Variants in BPTF observed in about 807,000 individuals in gnomAD.
The protein encoded by BPTF is bromodomain PHD finger transcription factor.
Under a neutral mutation model 292.5 loss-of-function variants are expected in BPTF, and 18 were observed. The ratio of observed to expected loss-of-function variants is 0.06; its 90% confidence interval spans 0.04 to 0.09. BPTF has a LOEUF of 0.09. Ranked by LOEUF, BPTF falls within the 10% of genes least tolerant of loss-of-function variation. The probability of loss-of-function intolerance (pLI) is 1.00; values close to 1 mark genes in which losing one functional copy is unlikely to be tolerated. For missense variants in BPTF, 2,726 were observed against 3,498.7 expected, an observed-to-expected ratio of 0.78 and a Z score of 5.57; for synonymous variants, 1,225 against 1,251.9, an observed-to-expected ratio of 0.98 and a Z score of 0.45.
At chr17:67,942,435 A>G (rs956453195) in intron 19 of BPTF, among the ~76,000 whole-genome samples, 7 of 152,222 alleles carry the variant, frequency 4.6e-5, no homozygotes, top group East Asian at 1.9e-4. Context: ...TTAAAACCAT[A>G]TGCTTAAGAG....
chr17:67,955,347 G>C (rs1399205802), intron 23 of BPTF: 2 of 150,726 alleles, frequency 1.3e-5, no homozygotes, highest in East Asian at 3.9e-4. Flanking sequence ...TAGTGTAGTT[G>C]GTGCATAGGG....
intron 1 of BPTF, among the ~76,000 whole-genome samples, chr17:67,840,143 C>T (rs1048662535): frequency 6.7e-6 from 1 of 149,086 alleles, no homozygotes; most frequent in South Asian, 2.1e-4. Context: ...TTGCTTGTTG[C>T]CCAGGCTGGA....
At chr17:67,909,189 T>G (rs983574710) in intron 9 of BPTF, among the ~76,000 whole-genome samples, 8 of 136,494 alleles carry the variant, frequency 5.9e-5, no homozygotes, top group Non-Finnish European at 9.1e-5. Context: ...CAGTTTTTTG[T>G]TTTTTTTTTA....
intron 4 of BPTF, among the ~76,000 whole-genome samples, chr17:67,884,781 C>G (rs994450136): frequency 1.3e-5 from 2 of 151,816 alleles, no homozygotes; most frequent in Non-Finnish European, 2.9e-5. Flanking sequence ...ATAGCTAGCT[C>G]TATAGATAAG....
At chr17:67,832,311 G>A (rs1051233318) in intron 1 of BPTF, among the ~76,000 whole-genome samples, 5 of 150,592 alleles carry the variant, frequency 3.3e-5, no homozygotes, top group African/African-American at 9.7e-5. Flanking sequence ...GAAGGTGACC[G>A]TATAGAAATA....
rs558706555 is a variant in BPTF, at chr17:67,852,768, A to G, written c.614-1172A>G. On this transcript the variant is annotated intron_variant, in intron 1 of 27. Coordinates refer to ENST00000306378, the MANE Select transcript of BPTF (RefSeq NM_182641.4). ...TCCAGGAGGTGGAATTACAGGGTCA[A>G]AGGGACATACATTCAGATAGATGTT... 2.0e-5 allele frequency among the ~76,000 whole-genome samples: 3 copies of G among 152,376 alleles called. No individual in the cohort carries two copies. In the South Asian group the frequency reaches 6.2e-4, roughly 32 times the overall value.
At chr17:67,937,573 A>G (rs1033260076) in intron 18 of BPTF, among the ~76,000 whole-genome samples, 4 of 152,166 alleles carry the variant, frequency 2.6e-5, no homozygotes, top group African/African-American at 9.7e-5. Flanking sequence ...CTGTGCAGAT[A>G]TCTGAGGAAA....
At chr17:67,926,232 C>T (rs965330547) in intron 15 of BPTF, among the ~76,000 whole-genome samples, 30 of 150,910 alleles carry the variant, frequency 2.0e-4, no homozygotes, top group African/African-American at 7.3e-4. Context: ...TAGTCTTGAA[C>T]TCCTGAGCTC....
intron 15 of BPTF, 117 bp from the exon 16 acceptor site, chr17:67,928,238 C>G (rs2064082283): frequency 8.8e-7 from 1 of 1,131,232 alleles, no homozygotes; most frequent in Non-Finnish European, 1.2e-6. Context: ...TAAAATACTT[C>G]AGAAATGTAG....
At chr17:67,931,323 A>G (rs927228542) in intron 17 of BPTF, among the ~76,000 whole-genome samples, 2 of 152,144 alleles carry the variant, frequency 1.3e-5, no homozygotes, top group African/African-American at 4.8e-5. Context: ...TGAATGAATG[A>G]TTAGCCGGAC....
At chr17:67,981,865 A>AC (rs1555696765) in intron 27 of BPTF, 11,732 of 146,126 alleles carry the variant, frequency 0.08, 802 homozygotes, top group African/African-American at 0.22. Flanking sequence ...CAATGTAAAT[A>AC]AACACACACA....
chr17:67,831,306 G>A (rs2056653283), intron 1 of BPTF, among the ~76,000 whole-genome samples: 1 of 152,134 alleles, frequency 6.6e-6, no homozygotes, highest in Non-Finnish European at 1.5e-5. Flanking sequence ...GGGAGGTCAA[G>A]ATTATAAGGG....
intron 4 of BPTF, among the ~76,000 whole-genome samples, chr17:67,885,286 G>C (rs981277266): frequency 1.3e-5 from 2 of 152,154 alleles, no homozygotes; most frequent in African/African-American, 4.8e-5. Context: ...ATTGTCCTCA[G>C]AAGTTAGCAA....
intron 2 of BPTF, among the ~76,000 whole-genome samples, chr17:67,862,086 C>T (rs916031486): frequency 6.6e-6 from 1 of 152,210 alleles, no homozygotes; most frequent in Admixed American, 6.5e-5. Context: ...AGTGATTCTT[C>T]TGCCTCAGCC....
In BPTF at chr17:67,921,209, CAAAAAAAAAAAAAA is replaced by C. The variant is rs60707445; in HGVS notation, c.5557+1079_5557+1092del. ...TGGGTAACAGATTGAGAATCCGTGT[CAAAAAAAAAAAAAA>C]AAAAAAAAAAAAGAAATACAGGCCA... On this transcript the variant is annotated intron_variant, in intron 13 of 27. Coordinates refer to ENST00000306378, the MANE Select transcript of BPTF (RefSeq NM_182641.4). 3.9e-3 allele frequency among the ~76,000 whole-genome samples: 190 copies of C among 49,246 alleles called. 2 individuals carry two copies. Among genetic ancestry groups the C allele is most frequent in the Middle Eastern group, 0.018 (1 of 56 alleles). The allele number at this position is 49,246 out of a possible 152,430, so 32.3% of individuals were successfully genotyped here. A position where few individuals can be genotyped will look rare whatever the true frequency, so the allele number is the denominator to read the frequency against.
rs768837896 is a variant in BPTF at position 67,911,378 on chromosome 17, G to A, written c.3494G>A (p.Arg1165Gln). 6.2e-7 allele frequency: 1 copy of A among 1,614,100 alleles called. No individual in the cohort carries two copies. Among genetic ancestry groups the A allele is most frequent in the Non-Finnish European group, 8.5e-7 (1 of 1,180,022 alleles). ...ACAAACAAACTTTATCCAAAAGATC[G>A]AGTGTTAGATGATGTCTCCATTCGG... The part of the protein sequence containing the change: ...HTTNKLYPKD[R>Q]VLDDVSIRSP... Residue 1165 changes from arginine to glutamine, a missense_variant, in exon 11 of 28, where the codon CGA becomes CAA. By Grantham distance (43) the Arg-to-Gln change is conservative (BLOSUM62 1). This residue lies in a region of BPTF where 713 missense variants were observed against 714.9 expected (regional missense o/e 1.00). Coordinates refer to ENST00000306378, the MANE Select transcript of BPTF (RefSeq NM_182641.4).
intron 17 of BPTF, 92 bp from the exon 18 acceptor site, chr17:67,931,819 A>G (rs887733514): frequency 1.2e-6 from 1 of 840,030 alleles, no homozygotes; most frequent in African/African-American, 1.8e-5. Flanking sequence ...ATTTTTATTA[A>G]TATAGAATGT....
At chr17:67,942,666 A>G (rs1290256748) in intron 19 of BPTF, among the ~76,000 whole-genome samples, 2 of 152,200 alleles carry the variant, frequency 1.3e-5, no homozygotes, top group Non-Finnish European at 2.9e-5. Flanking sequence ...ACCAGAATAC[A>G]TGGCATAAAT....
intron 21 of BPTF, among the ~76,000 whole-genome samples, 175 bp from the exon 22 acceptor site, chr17:67,947,551 A>G (rs533464026): frequency 2.8e-4 from 43 of 152,358 alleles, no homozygotes; most frequent in Non-Finnish European, 5.9e-4. Context: ...GGTACCCAGC[A>G]GGTGGTAAGC....
Sources: allele counts gnomAD v4.1 joint callset (sites outside exome capture counted in the v4.1 genomes callset), GRCh38; gene constraint gnomAD v4.1.1; regional missense constraint gnomAD v4.1.1; transcripts MANE v1.5; gene names NCBI Gene and HGNC (gene_info 2026-07-23, HGNC 2026-07-21).